The following CDH23 variants were observed in gnomAD, a reference collection of about 807,000 sequenced individuals.
The protein encoded by CDH23 is cadherin-23.
Under a neutral mutation model 317.1 loss-of-function variants are expected in CDH23, and 189 were observed. The ratio of observed to expected loss-of-function variants is 0.60; its 90% CI spans 0.53 to 0.67. CDH23 has a LOEUF of 0.67. Among genes scored for constraint, CDH23 ranks in the 30% least tolerant of loss-of-function variants. The pLI, the probability that CDH23 is intolerant of heterozygous loss-of-function variation, is 0.00. For missense variants in CDH23, 4,401 were observed against 4,592.4 expected, an observed-to-expected ratio of 0.96 and a Z score of 1.20; for synonymous variants, 1,839 against 1,876.8, an observed-to-expected ratio of 0.98 and a Z score of 0.52.
chr10:71,667,355 A>AGT, intron 14 of CDH23, among the ~76,000 whole-genome samples: 1 of 99,668 alleles, frequency 1.0e-5, no homozygotes, highest in African/African-American at 3.7e-5. Context: ...AGAAAGAGAG[A>AGT]GAGAGTGTGT....
intron 9 of CDH23, among the ~76,000 whole-genome samples, chr10:71,607,889 C>G (rs1196642314): frequency 1.3e-5 from 2 of 152,076 alleles, no homozygotes; most frequent in Non-Finnish European, 2.9e-5. Context: ...GGTGATAGAA[C>G]AAAACTCTGT....
At chr10:71,607,600 T>C (rs1860608039) in intron 9 of CDH23, among the ~76,000 whole-genome samples, 1 of 152,224 alleles carries the variant, frequency 6.6e-6, no homozygotes, top group Non-Finnish European at 1.5e-5. Flanking sequence ...GCTCTGAGTC[T>C]ACTATTCCGA....
Position 71,689,978 on chromosome 10 carries a change from G to A in CDH23, c.2060-490G>A, listed in dbSNP as rs113991611. On this transcript the variant is annotated intron_variant, in intron 19 of 69. Coordinates refer to ENST00000224721, the MANE Select transcript of CDH23 (RefSeq NM_022124.6). Reference sequence around the variant, plus strand: ...CTGATACCTTGAGTCAGGATTTCACGGAACTGGAAATAAAAGTGAAGGCCT... The same window carrying A: ...CTGATACCTTGAGTCAGGATTTCACAGAACTGGAAATAAAAGTGAAGGCCT... 2.8e-3 allele frequency among the ~76,000 whole-genome samples: 420 copies of A among 152,216 alleles called. 2 individuals carry two copies. The highest frequency in any genetic ancestry group is 9.7e-3 in the African/African-American group (401 of 41,510).
chr10:71,535,378 G>A (rs760192232), intron 6 of CDH23, among the ~76,000 whole-genome samples: 4 of 152,190 alleles, frequency 2.6e-5, no homozygotes, highest in East Asian at 1.9e-4. Context: ...AGCCCGTTCC[G>A]GTGGTGAGGA....
chr10:71,763,029 C>T (rs1006038790), intron 38 of CDH23, among the ~76,000 whole-genome samples: 2 of 152,204 alleles, frequency 1.3e-5, no homozygotes, highest in African/African-American at 4.8e-5. Flanking sequence ...GTTTCCTCCT[C>T]TGTGCAGTGA....
chr10:71,707,221 T>C, intron 26 of CDH23, 172 bp downstream of exon 26: 2 of 1,484,206 alleles, frequency 1.3e-6, no homozygotes, highest in Non-Finnish European at 1.8e-6. Context: ...TCCTGGCTCT[T>C]CCCAAGGGCT....
intron 38 of CDH23, among the ~76,000 whole-genome samples, chr10:71,768,859 T>C (rs1840621288): frequency 6.6e-6 from 1 of 152,220 alleles, no homozygotes; most frequent in African/African-American, 2.4e-5. Flanking sequence ...ATCTCCATTT[T>C]ACAGATGAGA....
intron 3 of CDH23, among the ~76,000 whole-genome samples, chr10:71,500,693 G>A (rs942763541): frequency 6.6e-6 from 1 of 152,212 alleles, no homozygotes; most frequent in African/African-American, 2.4e-5. Context: ...GTTGTGGAAT[G>A]AGAAAGACTT....
intron 6 of CDH23, among the ~76,000 whole-genome samples, chr10:71,552,579 G>T (rs66812897): frequency 1.3e-5 from 2 of 152,114 alleles, no homozygotes; most frequent in Non-Finnish European, 2.9e-5. Context: ...GCTTCAGAAC[G>T]TGCTGCCTTT....
At chr10:71,754,839 C>G (rs1840092442) in intron 38 of CDH23, among the ~76,000 whole-genome samples, 1 of 152,202 alleles carries the variant, frequency 6.6e-6, no homozygotes, top group Non-Finnish European at 1.5e-5. Context: ...AGCTCTGCCA[C>G]TTACTAAGTT....
chr10:71,767,874 C>T (rs1840591305), intron 38 of CDH23, among the ~76,000 whole-genome samples: 1 of 152,198 alleles, frequency 6.6e-6, no homozygotes, highest in African/African-American at 2.4e-5. Flanking sequence ...CTTGGGAAAG[C>T]CTCCGTGCAT....
intron 46 of CDH23, 60 bp downstream of exon 46, chr10:71,790,473 T>C (rs56145847): frequency 6.3e-7 from 1 of 1,586,888 alleles, no homozygotes; most frequent in African/African-American, 1.3e-5. Context: ...ATGGCCACAC[T>C]GCTGGATTGA....
intron 20 of CDH23, 52 bp from the exon 21 acceptor site, chr10:71,694,095 C>G (rs1589342096): frequency 4.3e-6 from 6 of 1,389,584 alleles, no homozygotes; most frequent in Non-Finnish European, 6.1e-6. Context: ...TTCCCTCCCT[C>G]TCTCCCTGGC....
chr10:71,569,470 G>A (rs1564658863), intron 7 of CDH23, among the ~76,000 whole-genome samples: 1 of 152,232 alleles, frequency 6.6e-6, no homozygotes, highest in East Asian at 1.9e-4. Context: ...AGGGGCCTTA[G>A]AAGTCATTCA....
Position 71,753,452 on chromosome 10 carries a change from AG to A in CDH23, c.4845+11533del, listed in dbSNP as rs548128930. Among the ~76,000 whole-genome samples, 11 of 152,306 alleles carry A rather than the reference AG, an allele frequency of 7.2e-5. No individual in the cohort carries two copies. The South Asian group carries it at 2.1e-3, about 29-fold the overall frequency. On this transcript the variant is annotated intron_variant, in intron 38 of 69. Transcript: ENST00000224721. ...ATGACTTACTGGGTGGGAGTGTTTA[AG>A]GTCAGTTCCTAATTAGAGGGCTCCT...
intron 3 of CDH23, among the ~76,000 whole-genome samples, chr10:71,467,442 CT>C (rs1367836910): frequency 6.6e-6 from 1 of 152,206 alleles, no homozygotes. Flanking sequence ...GATGGTGATG[CT>C]GCTGGTCTGG....
intron 6 of CDH23, among the ~76,000 whole-genome samples, chr10:71,534,521 C>T (rs1295898788): frequency 6.6e-6 from 1 of 152,216 alleles, no homozygotes; most frequent in Non-Finnish European, 1.5e-5. Context: ...GACCCCTACA[C>T]TTTCTTGAAA....
intron 48 of CDH23, chr10:71,796,095 A>C: frequency 2.0e-6 from 2 of 986,336 alleles, no homozygotes; most frequent in Non-Finnish European, 2.4e-6. Context: ...TGACTACCCC[A>C]TGGCTGGGGA....
intron 53 of CDH23, 43 bp downstream of exon 53, chr10:71,800,798 T>C: frequency 1.2e-6 from 2 of 1,604,460 alleles, no homozygotes; most frequent in Non-Finnish European, 1.7e-6. Flanking sequence ...GGGACTGGGG[T>C]TGTGGAGGCA....
Sources: gnomAD v4.1 joint callset for allele counts (sites outside exome capture counted in the v4.1 genomes callset) on GRCh38, gnomAD v4.1.1 for gene constraint, MANE v1.5 for transcripts, NCBI Gene and HGNC (gene_info 2026-07-23, HGNC 2026-07-21) for gene names.